The following TRPC7 variants were observed in gnomAD, a reference collection of about 807,000 sequenced individuals.
TRPC7 encodes transient receptor potential cation channel subfamily C member 7, also known as short transient receptor potential channel 7.
TRPC7 carries 42 observed loss-of-function variants against 90.1 expected under a neutral mutation model. The ratio of observed to expected loss-of-function variants is 0.47; its 90% confidence interval spans 0.36 to 0.60. The LOEUF (loss-of-function observed/expected upper bound fraction) is 0.60. Ranked by LOEUF, TRPC7 falls within the 20% of genes least tolerant of loss-of-function variation. The pLI, the probability that TRPC7 is intolerant of heterozygous loss-of-function variation, is 0.00. For missense variants in TRPC7, 955 were observed against 1,112.3 expected (o/e 0.86, Z 2.01); for synonymous variants, 451 against 436.3 (o/e 1.03, Z -0.42).
At chr5:136,228,053 C>T (rs967965149) in intron 8 of TRPC7, among the ~76,000 whole-genome samples, 1 of 152,020 alleles carries the variant, frequency 6.6e-6, no homozygotes, top group Non-Finnish European at 1.5e-5. Context: ...TGGTGGAACA[C>T]ACAGTCTGGC....
chr5:136,267,965 TAGAC>T (rs985181119), intron 4 of TRPC7, among the ~76,000 whole-genome samples: 1 of 152,204 alleles, frequency 6.6e-6, no homozygotes, highest in Non-Finnish European at 1.5e-5. Context: ...TTTTTGGCAA[TAGAC>T]AGATGTGCTA....
intron 5 of TRPC7, among the ~76,000 whole-genome samples, chr5:136,258,630 T>A (rs1756760330): frequency 6.6e-6 from 1 of 152,234 alleles, no homozygotes; most frequent in South Asian, 2.1e-4. Context: ...GGGAAATGAG[T>A]AGCTTCTTAT....
chr5:136,338,681 T>C (rs1262981874), intron 2 of TRPC7, among the ~76,000 whole-genome samples: 2 of 152,220 alleles, frequency 1.3e-5, no homozygotes, highest in African/African-American at 2.4e-5. Flanking sequence ...CCAAGTGAGA[T>C]TTATGGCTTG....
chr5:136,216,459 G>A (rs553360070), intron 10 of TRPC7, among the ~76,000 whole-genome samples, 184 bp from the exon 11 acceptor site: 17 of 152,290 alleles, frequency 1.1e-4, no homozygotes, highest in Admixed American at 1.3e-4. Flanking sequence ...CCTCTGTTTC[G>A]CCTCCCCCGC....
At chr5:136,278,232 T>A (rs1757427304) in intron 3 of TRPC7, among the ~76,000 whole-genome samples, 1 of 152,230 alleles carries the variant, frequency 6.6e-6, no homozygotes, top group Non-Finnish European at 1.5e-5. Flanking sequence ...TTCTGCATGA[T>A]CCCCTGCTGG....
intron 3 of TRPC7, among the ~76,000 whole-genome samples, chr5:136,312,349 G>T (rs1157469104): frequency 6.6e-6 from 1 of 152,174 alleles, no homozygotes; most frequent in African/African-American, 2.4e-5. Context: ...GGACCAGCTA[G>T]GGAATTAGAA....
At chr5:136,240,718 C>A (rs184782281) in intron 7 of TRPC7, among the ~76,000 whole-genome samples, 2 of 152,028 alleles carry the variant, frequency 1.3e-5, no homozygotes, top group Non-Finnish European at 2.9e-5. Context: ...TGGACTCATG[C>A]GGATTTGGAT....
At chr5:136,223,230 A>G (rs1407858009) in intron 10 of TRPC7, among the ~76,000 whole-genome samples, 1 of 152,254 alleles carries the variant, frequency 6.6e-6, no homozygotes, top group Non-Finnish European at 1.5e-5. Flanking sequence ...CTGTAATCAC[A>G]GCAGGAAGTT....
chr5:136,335,320 A>G (rs114864868), intron 2 of TRPC7, among the ~76,000 whole-genome samples: 134 of 152,132 alleles, frequency 8.8e-4, no homozygotes, highest in Non-Finnish European at 1.7e-3. Context: ...CTTACATCCA[A>G]CATCCAAACC....
rs547052710 is a variant in TRPC7, at chr5:136,315,875, T to C, written c.781-96A>G. Reference sequence around the variant, plus strand: ...TGTCGATCAGCAACTGCTCACCACATGTGACCTTATGGAGCACATTGGATG... The same window carrying C: ...TGTCGATCAGCAACTGCTCACCACACGTGACCTTATGGAGCACATTGGATG... On this transcript the variant is annotated intron_variant, in intron 2 of 11. Coordinates refer to ENST00000513104, the MANE Select transcript of TRPC7 (RefSeq NM_020389.3). The C allele has an allele frequency of 1.3e-5, 16 of 1,205,682 alleles. No individual in the cohort carries two copies. The East Asian group carries it at 3.8e-4, about 28-fold the overall frequency. The allele number at this position is 1,205,682 out of a possible 1,614,324, so 74.7% of individuals were successfully genotyped here.
chr5:136,327,235 A>G (rs1401516263), intron 2 of TRPC7, among the ~76,000 whole-genome samples: 2 of 152,240 alleles, frequency 1.3e-5, no homozygotes, highest in African/African-American at 2.4e-5. Flanking sequence ...GACTACAACA[A>G]TGAGAGATAA....
chr5:136,312,307 A>C (rs1228696277), intron 3 of TRPC7, among the ~76,000 whole-genome samples: 1 of 152,136 alleles, frequency 6.6e-6, no homozygotes, highest in Non-Finnish European at 1.5e-5. Flanking sequence ...TCCCAGGGAG[A>C]CATTTCTAGC....
At chr5:136,276,676 T>C (rs1341886576) in intron 3 of TRPC7, among the ~76,000 whole-genome samples, 1 of 152,220 alleles carries the variant, frequency 6.6e-6, no homozygotes, top group Non-Finnish European at 1.5e-5. Flanking sequence ...TGGCTTTTCT[T>C]TGTGGCATTA....
chr5:136,299,642 C>T (rs908061117), intron 3 of TRPC7, among the ~76,000 whole-genome samples: 25 of 152,082 alleles, frequency 1.6e-4, no homozygotes, highest in Admixed American at 1.6e-3. Flanking sequence ...ATCAAATGCT[C>T]ATTAAAACTC....
chr5:136,327,030 G>A (rs1026534003), intron 2 of TRPC7, among the ~76,000 whole-genome samples: 1 of 152,172 alleles, frequency 6.6e-6, no homozygotes, highest in African/African-American at 2.4e-5. Flanking sequence ...TGGAGGGTTT[G>A]CATTTATTGG....
chr5:136,311,823 G>T (rs920284022), intron 3 of TRPC7, among the ~76,000 whole-genome samples: 23 of 152,166 alleles, frequency 1.5e-4, no homozygotes, highest in African/African-American at 5.6e-4. Context: ...TGGCCTAGAG[G>T]GGCTGGGATG....
chr5:136,273,902 C>T (rs781753123), intron 4 of TRPC7, among the ~76,000 whole-genome samples: 3 of 152,190 alleles, frequency 2.0e-5, no homozygotes, highest in African/African-American at 2.4e-5. Context: ...TTACTTTCTA[C>T]GGCTTTGACT....
chr5:136,293,316 A>G (rs1464629242), intron 3 of TRPC7, among the ~76,000 whole-genome samples: 1 of 152,192 alleles, frequency 6.6e-6, no homozygotes, highest in African/African-American at 2.4e-5. Context: ...AAGGAAATAA[A>G]GGGTATTCAA....
Position 136,247,396 on chromosome 5 carries a change from G to C in TRPC7, c.1844+75C>G. ...AAGGAAACAGCAGTCTCTGCAAGAA[G>C]CCACCTTCAGGAGACTCCCAAGGAT... is the stretch of plus-strand genomic sequence containing the variant. On this transcript the variant is annotated intron_variant, in intron 7 of 11. Coordinates refer to ENST00000513104, the MANE Select transcript of TRPC7 (RefSeq NM_020389.3). This position sits in a 1 kb window ranked among gnomAD's most constrained non-coding sequence, Gnocchi z 4.2. 1 of 1,483,894 alleles carries C rather than the reference G, an allele frequency of 6.7e-7. No individual in the cohort carries two copies. Among genetic ancestry groups the C allele is most frequent in the Non-Finnish European group, 9.1e-7 (1 of 1,104,466 alleles). 91.9% of individuals were successfully genotyped at this position (1,483,894 alleles called of 1,614,324 possible).
Sources: allele counts gnomAD v4.1 joint callset (sites outside exome capture counted in the v4.1 genomes callset), GRCh38; gene constraint gnomAD v4.1.1; non-coding constraint Gnocchi (gnomAD v3.1); transcripts MANE v1.5; gene names NCBI Gene and HGNC (gene_info 2026-07-23, HGNC 2026-07-21).